The following TCERG1 variants were observed in gnomAD, a reference collection of about 807,000 sequenced individuals.
The protein encoded by TCERG1 is transcription elongation regulator 1.
TCERG1 carries 37 observed loss-of-function variants against 144.7 expected under a neutral mutation model. The observed-to-expected ratio is 0.26, with a 90% CI of 0.20 to 0.34. The LOEUF is 0.34. TCERG1 is among the 10% of genes least tolerant of loss of function. The pLI, the probability that TCERG1 is intolerant of heterozygous loss-of-function variation, is 1.00. For missense variants in TCERG1, 1,027 were observed against 1,380.7 expected, an observed-to-expected ratio of 0.74 and a Z score of 4.06; for synonymous variants, 492 against 458.2, an observed-to-expected ratio of 1.07 and a Z score of -0.94.
chr5:146,483,042 G>A (rs1765503348), intron 14 of TCERG1, among the ~76,000 whole-genome samples: 1 of 152,040 alleles, frequency 6.6e-6, no homozygotes, highest in Non-Finnish European at 1.5e-5. Flanking sequence ...AGGTATATAT[G>A]ATTATTCTTC....
intron 22 of TCERG1, chr5:146,510,003 G>A (rs1430812382): frequency 7.9e-7 from 1 of 1,267,550 alleles, no homozygotes; most frequent in African/African-American, 1.5e-5. Flanking sequence ...GATCCTTAAT[G>A]TTTTGCATCA....
intron 16 of TCERG1, 87 bp from the exon 17 acceptor site, chr5:146,498,449 T>C: frequency 7.1e-7 from 1 of 1,414,382 alleles, no homozygotes; most frequent in East Asian, 2.3e-5. Context: ...TGTCATATAC[T>C]CTTGTTGGAA....
At chr5:146,487,039 G>A (rs1351692653) in intron 15 of TCERG1, among the ~76,000 whole-genome samples, 2 of 152,000 alleles carry the variant, frequency 1.3e-5, no homozygotes, top group Admixed American at 1.3e-4. Context: ...GCAGTGAACC[G>A]AGATTGTGCC....
At chr5:146,466,695 A>G (rs1478904677) in intron 5 of TCERG1, among the ~76,000 whole-genome samples, 2 of 152,224 alleles carry the variant, frequency 1.3e-5, no homozygotes, top group Non-Finnish European at 2.9e-5. Flanking sequence ...TCTTTTTAGC[A>G]TGAGAAGAAA....
At chr5:146,508,519 A>G (rs933853383) in intron 21 of TCERG1, among the ~76,000 whole-genome samples, 9 of 152,106 alleles carry the variant, frequency 5.9e-5, no homozygotes, top group Non-Finnish European at 1.2e-4. Context: ...CTCAAAGTCT[A>G]TTGGATTGTA....
At chr5:146,483,663 A>G (rs762228391) in intron 15 of TCERG1, 34 bp downstream of exon 15, 1 of 1,502,288 alleles carries the variant, frequency 6.7e-7, no homozygotes, top group African/African-American at 1.4e-5. Flanking sequence ...AAGAATGTAT[A>G]TCTCTTGCCA....
intron 9 of TCERG1, among the ~76,000 whole-genome samples, chr5:146,472,128 T>G (rs1421150966): frequency 6.6e-6 from 1 of 152,240 alleles, no homozygotes; most frequent in Non-Finnish European, 1.5e-5. Flanking sequence ...TGTGAGATCC[T>G]GAATCTACTT....
At position 146,459,335 on chromosome 5, in the gene TCERG1, C is replaced by T. The variant is rs1378912552; in HGVS notation, c.890C>T (p.Ser297Leu). Reference sequence around the variant, plus strand: ...GCTACTTCAGTTGCGCAGACAGTATCAAGTGAGTACCACTCAGCATGTGTT... The same window carrying T: ...GCTACTTCAGTTGCGCAGACAGTATTAAGTGAGTACCACTCAGCATGTGTT... ...TTATSVAQTV[S>L]TPTTQDQTPS... Residue 297 changes from serine (S) to leucine (L), a missense_variant and splice_region_variant, in exon 4 of 23, where the codon TCA (serine) becomes TTA (leucine). Ser to Leu is a moderately radical substitution (Grantham distance 145, BLOSUM62 -2). Around this residue, in one of 6 missense-constraint regions of TCERG1, gnomAD observed 187 missense variants for 169.1 expected, o/e 1.11. Coordinates refer to ENST00000679501, the MANE Select transcript of TCERG1 (RefSeq NM_001382548.1). The T allele has an allele frequency of 6.2e-7, 1 of 1,613,220 alleles. No individual in the cohort carries two copies. The highest frequency in any genetic ancestry group is 8.5e-7 in the Non-Finnish European group (1 of 1,179,448).
At position 146,490,516 on chromosome 5, in the gene TCERG1, C is replaced by T. The variant is rs555784730; in HGVS notation, c.2164-2404C>T. Among the ~76,000 whole-genome samples the T allele has an allele frequency of 1.2e-3, 184 of 152,260 alleles. 1 individual carries two copies. Among genetic ancestry groups the T allele is most frequent in the African/African-American group, 4.1e-3 (170 of 41,564 alleles). ...AAGGCATTGCTCTGCTTCTAGTGTT[C>T]GTTGTTTTTGAAGCCATTCCTATTC... is the stretch of plus-strand genomic sequence containing the variant. On this transcript the variant is annotated intron_variant, in intron 15 of 22. Coordinates refer to ENST00000679501, the MANE Select transcript of TCERG1 (RefSeq NM_001382548.1).
rs1762913428 is a variant in TCERG1 at position 146,457,306 on chromosome 5, T to C, written c.409T>C (p.Trp137Arg). 1 of 1,611,636 alleles carries C rather than the reference T, an allele frequency of 6.2e-7. No individual in the cohort carries two copies. Among genetic ancestry groups the C allele is most frequent in the Non-Finnish European group, 8.5e-7 (1 of 1,178,966 alleles). Residue 137 changes from tryptophan to arginine, a missense_variant, in exon 3 of 23, where the codon TGG (tryptophan) becomes CGG (arginine). This residue lies in a region of TCERG1 where 175 missense variants were observed against 197.0 expected (regional missense o/e 0.89). Transcript: ENST00000679501. The part of the protein sequence containing the change: ...TPALPPTEEI[W>R]VENKTPDGKV... ...AGCACTACCTCCTACGGAGGAGATA[T>C]GGGTTGAAAATAAAACTCCAGATGG...
At chr5:146,490,572 A>G (rs773525751) in intron 15 of TCERG1, among the ~76,000 whole-genome samples, 2 of 152,180 alleles carry the variant, frequency 1.3e-5, no homozygotes, top group African/African-American at 4.8e-5. Context: ...TTCTTTCTCT[A>G]TAAGTATGTA....
intron 17 of TCERG1, 36 bp downstream of exon 17, chr5:146,498,722 G>C (rs779340401): frequency 6.3e-7 from 1 of 1,582,570 alleles, no homozygotes; most frequent in African/African-American, 1.4e-5. Context: ...GTGATTGATG[G>C]GAGTGTGAAT....
chr5:146,458,094 A>G (rs1207307054), intron 3 of TCERG1, among the ~76,000 whole-genome samples: 1 of 151,386 alleles, frequency 6.6e-6, no homozygotes, highest in East Asian at 1.9e-4. Context: ...AGGTAATCCC[A>G]CCCGCCTTGG....
At chr5:146,472,546 C>G (rs1764413412) in intron 9 of TCERG1, among the ~76,000 whole-genome samples, 1 of 152,128 alleles carries the variant, frequency 6.6e-6, no homozygotes, top group African/African-American at 2.4e-5. Flanking sequence ...CGTGTGTGAT[C>G]TAACTGTTCC....
intron 15 of TCERG1, 129 bp from the exon 16 acceptor site, chr5:146,492,791 T>C: frequency 1.6e-6 from 1 of 614,146 alleles, no homozygotes; most frequent in Non-Finnish European, 2.8e-6. Context: ...ATAGATTATC[T>C]GTGTATAATT....
At chr5:146,493,106 T>TA (rs1269294153) in intron 16 of TCERG1, 68 bp downstream of exon 16, 6 of 1,174,976 alleles carry the variant, frequency 5.1e-6, no homozygotes, top group African/African-American at 4.9e-5. Flanking sequence ...TTTTAAAAAT[T>TA]AAAAAAATAG....
chr5:146,462,402 G>T (rs1222317463), intron 4 of TCERG1, among the ~76,000 whole-genome samples: 1 of 152,020 alleles, frequency 6.6e-6, no homozygotes, highest in Non-Finnish European at 1.5e-5. Context: ...ATTTTATTTT[G>T]GAACTAGATG....
chr5:146,501,774 T>C (rs1767471262), intron 17 of TCERG1, among the ~76,000 whole-genome samples: 1 of 152,160 alleles, frequency 6.6e-6, no homozygotes, highest in Non-Finnish European at 1.5e-5. Context: ...AGGCCAAGTT[T>C]AGTAGTGGAG....
intron 9 of TCERG1, among the ~76,000 whole-genome samples, chr5:146,474,727 C>T (rs914423998): frequency 6.6e-6 from 1 of 152,174 alleles, no homozygotes; most frequent in Admixed American, 6.5e-5. Context: ...CAAGACCCTC[C>T]ACCAGCAAAA....
Sources: allele counts gnomAD v4.1 joint callset (sites outside exome capture counted in the v4.1 genomes callset), GRCh38; gene constraint gnomAD v4.1.1; regional missense constraint gnomAD v4.1.1; transcripts MANE v1.5; gene names NCBI Gene and HGNC (gene_info 2026-07-23, HGNC 2026-07-21).